POGZ: variants seen among roughly 807,000 people sequenced by gnomAD.
The protein encoded by POGZ is pogo transposable element derived with ZNF domain.
Under a neutral mutation model 134.6 loss-of-function variants are expected in POGZ, and 17 were observed. That is an observed-to-expected ratio of 0.13 (90% CI 0.09 to 0.19). The LOEUF (loss-of-function observed/expected upper bound fraction) is 0.19. Ranked by LOEUF, POGZ falls within the 10% of genes least tolerant of loss-of-function variation. POGZ has a pLI of 1.00. For missense variants in POGZ, 1,306 were observed against 1,769.7 expected (o/e 0.74, Z 4.70); for synonymous variants, 693 against 657.1 (o/e 1.05, Z -0.84).
At chr1:151,455,043 G>A (rs1662602468) in intron 1 of POGZ, 2 of 151,928 alleles carry the variant, frequency 1.3e-5, no homozygotes, top group Admixed American at 6.6e-5. Flanking sequence ...GGAGGCGGAG[G>A]GTGCAGTGAG....
At chr1:151,458,983 A>C (rs1353029699) in intron 1 of POGZ, among the ~76,000 whole-genome samples, 169 bp downstream of exon 1, 4 of 135,998 alleles carry the variant, frequency 2.9e-5, no homozygotes, top group South Asian at 2.4e-4. Flanking sequence ...CCGCGCCGCC[A>C]CTCGCGGTGG....
chr1:151,453,616 G>A (rs1662415067), intron 1 of POGZ, among the ~76,000 whole-genome samples: 1 of 152,090 alleles, frequency 6.6e-6, no homozygotes, highest in African/African-American at 2.4e-5. Flanking sequence ...TCTCTATTTT[G>A]TAGTAATTGT....
intron 1 of POGZ, among the ~76,000 whole-genome samples, chr1:151,443,167 C>T (rs1417627559): frequency 6.6e-6 from 1 of 152,138 alleles, no homozygotes; most frequent in Non-Finnish European, 1.5e-5. Context: ...ATGGATTGTT[C>T]TGCATTAATA....
In POGZ at chr1:151,405,322, T is replaced by C. The variant is rs1156469982; in HGVS notation, c.3713A>G (p.Glu1238Gly). Residue 1238 changes from glutamate to glycine, a missense_variant, in exon 19 of 19, where the codon GAG (glutamate) becomes GGG (glycine). Glu to Gly is a moderately conservative substitution (Grantham distance 98). This residue lies in a region of POGZ where 67 missense variants were observed against 105.8 expected (regional missense o/e 0.63). Transcript: ENST00000271715. This position sits in a 1 kb window ranked among gnomAD's most constrained non-coding sequence, Gnocchi z 4.9. ...AGAGGCACTAAGCATAGCCAGTACC[T>C]CTTCTGACAAGTGAGTGCGATGACA... ...MDCHRTHLSEEVLAMLSASST... is the reference protein window; with the variant it reads ...MDCHRTHLSEGVLAMLSASST... The C allele has an allele frequency of 6.2e-7, 1 of 1,614,222 alleles. No homozygotes were observed.
At position 151,406,156 on chromosome 1, in the gene POGZ, C is replaced by T; in HGVS notation, c.2879G>A (p.Gly960Asp). 2 of 1,614,212 alleles carry T rather than the reference C, an allele frequency of 1.2e-6. No homozygotes were observed. The highest frequency in any genetic ancestry group is 1.3e-5 in the African/African-American group (1 of 75,038). ...PVTQEPELAS[G>D]GGGSGGVGKK... ...GCCAACTCCACCACTACCACCACCA[C>T]CTGATGCTAGCTCAGGTTCTTGGGT... The change falls in exon 19 of 19, where the codon GGT (glycine) becomes GAT (aspartate). Residue 960 changes from glycine (G) to aspartate (D), a missense_variant. Around this residue, in one of 10 missense-constraint regions of POGZ, gnomAD observed 214 missense variants for 255.5 expected, o/e 0.84. Transcript: ENST00000271715.
chr1:151,414,009 A>T (rs1157147970), intron 10 of POGZ, among the ~76,000 whole-genome samples: 1 of 152,202 alleles, frequency 6.6e-6, no homozygotes, highest in East Asian at 1.9e-4. Flanking sequence ...ATTTATTCTC[A>T]AAGAGGTCTG....
intron 1 of POGZ, among the ~76,000 whole-genome samples, chr1:151,452,692 C>T (rs1390197797): frequency 2.6e-5 from 4 of 151,866 alleles, no homozygotes; most frequent in African/African-American, 7.2e-5. Flanking sequence ...AGTGAAACCC[C>T]GTCTCTACTA....
chr1:151,453,237 A>G (rs2102426041), intron 1 of POGZ, among the ~76,000 whole-genome samples: 1 of 151,940 alleles, frequency 6.6e-6, no homozygotes, highest in South Asian at 2.1e-4. Context: ...CCCTTTTCGC[A>G]TGCGTGAAAT....
intron 8 of POGZ, 142 bp downstream of exon 8, chr1:151,424,813 G>A (rs1402041008): frequency 5.1e-6 from 3 of 590,786 alleles, no homozygotes; most frequent in Non-Finnish European, 9.4e-6. Context: ...AAAGTACACA[G>A]CTCTTCTAAA....
At position 151,423,270 on chromosome 1, in the gene POGZ, A is replaced by G. The variant is rs1444349010; in HGVS notation, c.1678+127T>C. On this transcript the variant is annotated intron_variant, in intron 10 of 18. Coordinates refer to ENST00000271715, the MANE Select transcript of POGZ (RefSeq NM_015100.4). ...TGAATGAAGTAAAGAACTGGCTACAAATATGAAAAGTACTTCCTCTACACT... is the reference window on the plus strand; with the variant it reads ...TGAATGAAGTAAAGAACTGGCTACAGATATGAAAAGTACTTCCTCTACACT... 4 of 776,742 alleles carry G rather than the reference A, an allele frequency of 5.1e-6. No homozygotes were observed. The African/African-American group carries it at 7.1e-5, about 14-fold the overall frequency. The allele number at this position is 776,742 out of a possible 1,614,324, so 48.1% of individuals were successfully genotyped here.
At chr1:151,430,893 C>T (rs771923876) in intron 3 of POGZ, 52 bp from the exon 4 acceptor site, 5 of 1,227,598 alleles carry the variant, frequency 4.1e-6, no homozygotes, top group South Asian at 1.7e-5. Flanking sequence ...CAATGTTAAA[C>T]CCACATTTTA....
intron 1 of POGZ, among the ~76,000 whole-genome samples, chr1:151,448,030 A>G (rs1661521792): frequency 6.6e-6 from 1 of 152,162 alleles, no homozygotes; most frequent in South Asian, 2.1e-4. Flanking sequence ...CAAGACCACA[A>G]TAAAAGGCTA....
intron 1 of POGZ, among the ~76,000 whole-genome samples, chr1:151,455,773 A>G (rs1353793198): frequency 1.3e-5 from 2 of 152,154 alleles, no homozygotes; most frequent in Non-Finnish European, 2.9e-5. Context: ...GTCTGTTGCT[A>G]TATGTAGCTT....
rs752163784 is a variant in POGZ, at chr1:151,424,991, T to G, written c.1149A>C (p.Gln383His). 1 of 1,598,032 alleles carries G rather than the reference T, an allele frequency of 6.3e-7. No individual in the cohort carries two copies. The highest frequency in any genetic ancestry group is 8.6e-7 in the Non-Finnish European group (1 of 1,168,960). The change falls in exon 8 of 19, where the codon CAA (glutamine) becomes CAC (histidine). Residue 383 changes from glutamine to histidine, a missense_variant. Coordinates refer to ENST00000271715, the MANE Select transcript of POGZ (RefSeq NM_015100.4). ...CTCTCAAAGCTTCAGTAACACGAAATTGAGCATTACATCGTGGACATATTT... is the reference window on the plus strand; with the variant it reads ...CTCTCAAAGCTTCAGTAACACGAAAGTGAGCATTACATCGTGGACATATTT... ...GRKICPRCNA[Q>H]FRVTEALRGH...
chr1:151,435,888 GAT>G (rs1659490422), intron 3 of POGZ, among the ~76,000 whole-genome samples: 1 of 151,162 alleles, frequency 6.6e-6, no homozygotes, highest in Non-Finnish European at 1.5e-5. Flanking sequence ...ACAATTCAGT[GAT>G]TTTTTTTTAT....
Position 151,417,447 on chromosome 1 carries a change from G to A in POGZ, c.1679-5051C>T, listed in dbSNP as rs1391001858. Among the ~76,000 whole-genome samples the A allele has an allele frequency of 3.3e-5, 5 of 150,666 alleles. No individual in the cohort carries two copies. In the East Asian group the frequency reaches 5.9e-4, roughly 18 times the overall value. ...GTGATCTCAGCTTACTGCAACCTCC[G>A]CCTCCCGGGTTCAAGCAATTCTCCT... On this transcript the variant is annotated intron_variant, in intron 10 of 18. Coordinates refer to ENST00000271715, the MANE Select transcript of POGZ (RefSeq NM_015100.4).
intron 1 of POGZ, among the ~76,000 whole-genome samples, chr1:151,449,392 T>A (rs1161172832): frequency 1.3e-5 from 2 of 152,140 alleles, no homozygotes; most frequent in Non-Finnish European, 2.9e-5. Context: ...GGAGAGGTGT[T>A]ACTGACCTAT....
chr1:151,447,280 G>A lies in POGZ; in HGVS notation c.-1-5075C>T, dbSNP rs76528912. Among the ~76,000 whole-genome samples, 713 of 152,036 alleles carry A rather than the reference G, an allele frequency of 4.7e-3. 19 individuals are homozygous for A. The highest frequency in any genetic ancestry group is 0.036 in the East Asian group (187 of 5,124). ...CCAGCTACTCAGGAGGCTGAAACAG[G>A]AGAATTGCTTGAACCCAGGAGGCGG... On this transcript the variant is annotated intron_variant, in intron 1 of 18. Transcript: ENST00000271715.
At position 151,428,178 on chromosome 1, in the gene POGZ, C is replaced by T; in HGVS notation, c.804G>A (p.Gly268=). 10 of 1,614,106 alleles carry T rather than the reference C, an allele frequency of 6.2e-6. No homozygotes were observed. The highest frequency in any genetic ancestry group is 8.5e-6 in the Non-Finnish European group (10 of 1,180,014). ...GGCCTGGAGACTGAACAGCTAGTTGCCCCAGTGAGGTTGGCTGTGTGGCAG... is the reference window on the plus strand; with the variant it reads ...GGCCTGGAGACTGAACAGCTAGTTGTCCCAGTGAGGTTGGCTGTGTGGCAG... ...TPTATQPTSL[G]QLAVQSPGQS... The change falls in exon 6 of 19, where the codon GGG becomes GGA. Residue 268 remains glycine, a synonymous_variant. Transcript: ENST00000271715.
Sources: allele counts gnomAD v4.1 joint callset (sites outside exome capture counted in the v4.1 genomes callset), GRCh38; gene constraint gnomAD v4.1.1; regional missense constraint gnomAD v4.1.1; non-coding constraint Gnocchi (gnomAD v3.1); transcripts MANE v1.5; gene names NCBI Gene and HGNC (gene_info 2026-07-23, HGNC 2026-07-21).